The following STAG3 variants were observed in gnomAD, a reference collection of about 807,000 sequenced individuals.
The protein encoded by STAG3 is cohesin subunit SA-3.
A neutral mutation model predicts 160.7 loss-of-function variants in STAG3; 101 were observed. The ratio of observed to expected loss-of-function variants is 0.63; its 90% CI spans 0.54 to 0.74. The LOEUF (loss-of-function observed/expected upper bound fraction) is 0.74, where lower values mean the gene tolerates loss of function less well. STAG3 is among the 30% of genes least tolerant of loss of function. STAG3 has a pLI of 0.00. For missense variants in STAG3, 1,188 were observed against 1,517.4 expected, an observed-to-expected ratio of 0.78 and a Z score of 3.61; for synonymous variants, 519 against 585.0, an observed-to-expected ratio of 0.89 and a Z score of 1.63.
chr7:100,205,795 A>G (rs1584755900), intron 29 of STAG3, among the ~76,000 whole-genome samples: 1 of 150,926 alleles, frequency 6.6e-6, no homozygotes, highest in East Asian at 2.0e-4. Context: ...GCGCGACTGC[A>G]CCCCAGCCTG....
intron 29 of STAG3, among the ~76,000 whole-genome samples, chr7:100,206,801 A>G (rs1801695769): frequency 6.6e-6 from 1 of 152,186 alleles, no homozygotes; most frequent in Non-Finnish European, 1.5e-5. Context: ...TACACTTAGC[A>G]TATTCACTGA....
chr7:100,198,048 G>A (rs1157016287), intron 11 of STAG3, 39 bp from the exon 12 acceptor site: 2 of 1,601,192 alleles, frequency 1.2e-6, no homozygotes, highest in East Asian at 4.5e-5. Context: ...GTTTGGAATG[G>A]GTGTAATGAG....
chr7:100,216,172 G>A (rs375494621), downstream of STAG3, among the ~76,000 whole-genome samples: 4 of 152,144 alleles, frequency 2.6e-5, no homozygotes, highest in African/African-American at 7.2e-5. Flanking sequence ...ATTCCTGATC[G>A]TGGAGCCCAT....
At chr7:100,208,806 A>C (rs567231803) in intron 29 of STAG3, among the ~76,000 whole-genome samples, 1 of 152,318 alleles carries the variant, frequency 6.6e-6, no homozygotes, top group Admixed American at 6.5e-5. Context: ...ATGGCAAAAA[A>C]GCAGGGAGGA....
rs1482401786 is a variant in STAG3 at position 100,201,133 on chromosome 7, C to T, written c.2105C>T (p.Thr702Ile). 7 of 1,614,236 alleles carry T rather than the reference C, an allele frequency of 4.3e-6. No individual in the cohort carries two copies. Among genetic ancestry groups the T allele is most frequent in the Non-Finnish European group, 5.9e-6 (7 of 1,180,048 alleles). Residue 702 changes from threonine to isoleucine, a missense_variant, in exon 20 of 34, where the codon ACT (threonine) becomes ATT (isoleucine). Physicochemically the swap from Thr to Ile is moderately conservative, Grantham distance 89. Coordinates refer to ENST00000615138, the MANE Select transcript of STAG3 (RefSeq NM_001282717.2). ...GATGAGGTATATAATCTGGCAGCCACTCTGAAACGCCTCTCTGCCTTCTAC... is the reference window on the plus strand; with the variant it reads ...GATGAGGTATATAATCTGGCAGCCATTCTGAAACGCCTCTCTGCCTTCTAC... ...DEDEVYNLAA[T>I]LKRLSAFYNT...
At position 100,211,033 on chromosome 7, in the gene STAG3, G is replaced by A; in HGVS notation, c.3261G>A (p.Glu1087=). 1 of 1,613,860 alleles carries A rather than the reference G, an allele frequency of 6.2e-7. No homozygotes were observed. Among genetic ancestry groups the A allele is most frequent in the Non-Finnish European group, 8.5e-7 (1 of 1,179,952 alleles). The change falls in exon 30 of 34, where the codon GAG becomes GAA. Residue 1087 remains glutamate, a synonymous_variant. Transcript: ENST00000615138. The part of the protein sequence containing the change: ...RVEGPAKPNR[E]DVSSSQEESL... Reference sequence around the variant, plus strand: ...CAGGGCCTGCCAAGCCTAACAGAGAGGACGTCTCCTCGTCCCAGGAAGAAA... The same window carrying A: ...CAGGGCCTGCCAAGCCTAACAGAGAAGACGTCTCCTCGTCCCAGGAAGAAA...
intron 26 of STAG3, 49 bp from the exon 27 acceptor site, chr7:100,204,578 T>G: frequency 1.3e-6 from 2 of 1,593,480 alleles, no homozygotes; most frequent in Non-Finnish European, 1.7e-6. Context: ...CTTCTCTGTT[T>G]CCGCCGTGTT....
At chr7:100,196,234 AT>A (rs1206663936) in intron 9 of STAG3, among the ~76,000 whole-genome samples, 1 of 152,082 alleles carries the variant, frequency 6.6e-6, no homozygotes, top group Non-Finnish European at 1.5e-5. Flanking sequence ...CCTTTTCTTA[AT>A]GTGGAATTAA....
intron 5 of STAG3, among the ~76,000 whole-genome samples, chr7:100,187,834 G>A (rs1195249907): frequency 6.8e-6 from 1 of 146,572 alleles, no homozygotes; most frequent in Non-Finnish European, 1.5e-5. Context: ...TCAGCTTACT[G>A]CAACCTCCGC....
Position 100,200,341 on chromosome 7 carries a change from C to T in STAG3, c.1770+13C>T. On this transcript the variant is annotated intron_variant, in intron 17 of 33. Transcript: ENST00000615138. Reference sequence around the variant, plus strand: ...GCTCCTGGCCAAGGTACCGCTGCCCCTCCACTCTGCATCACACCAAGAGAA... The same window carrying T: ...GCTCCTGGCCAAGGTACCGCTGCCCTTCCACTCTGCATCACACCAAGAGAA... 6.2e-7 allele frequency: 1 copy of T among 1,613,738 alleles called. No homozygotes were observed. Among genetic ancestry groups the T allele is most frequent in the Non-Finnish European group, 8.5e-7 (1 of 1,179,790 alleles).
At chr7:100,189,953 T>A (rs1562971590) in intron 8 of STAG3, among the ~76,000 whole-genome samples, 1 of 152,124 alleles carries the variant, frequency 6.6e-6, no homozygotes. Context: ...GCAGGAGTAC[T>A]AAAAGCCAAC....
At position 100,213,742 on chromosome 7, in the gene STAG3, G is replaced by GTA; in HGVS notation, c.3609_3610dup (p.Ser1204IlefsTer14). ...TAACCTCATTCTCTCTAGCAAGCAA[G>GTA]TAGCTACTCTTCCACCAGTGAGCGC... On this transcript the variant is annotated frameshift_variant, in exon 33 of 34. Coordinates refer to ENST00000615138, the MANE Select transcript of STAG3 (RefSeq NM_001282717.2). LOFTEE classifies it high-confidence loss of function. 3 of 1,614,236 alleles carry GTA rather than the reference G, an allele frequency of 1.9e-6. No homozygotes were observed. The highest frequency in any genetic ancestry group is 2.5e-6 in the Non-Finnish European group (3 of 1,180,030).
At chr7:100,213,617 AG>A in intron 32 of STAG3, 117 bp from the exon 33 acceptor site, 1 of 1,540,320 alleles carries the variant, frequency 6.5e-7, no homozygotes, top group African/African-American at 1.4e-5. Flanking sequence ...GAGGTGCCAT[AG>A]GGGCCTGCTG....
Position 100,189,026 on chromosome 7 carries a change from C to A in STAG3, c.715+10C>A, listed in dbSNP as rs200010429. On this transcript the variant is annotated intron_variant, in intron 7 of 33. Coordinates refer to ENST00000615138, the MANE Select transcript of STAG3 (RefSeq NM_001282717.2). ...ACTAGCACCCTGGCTGGTGAGCATT[C>A]ATTTTTACTCTGGACATTCTCCTGG... 6.2e-7 allele frequency: 1 copy of A among 1,613,768 alleles called. No homozygotes were observed. The highest frequency in any genetic ancestry group is 8.5e-7 in the Non-Finnish European group (1 of 1,179,848).
intron 4 of STAG3, 61 bp from the exon 5 acceptor site, chr7:100,186,139 A>G (rs1387808175): frequency 1.5e-6 from 2 of 1,318,576 alleles, no homozygotes; most frequent in African/African-American, 1.5e-5. Flanking sequence ...GGAAGATCAT[A>G]TAGGATTTCT....
chr7:100,182,134 A>G lies in STAG3; in HGVS notation c.161A>G (p.Asp54Gly), dbSNP rs1210985142. 6.2e-7 allele frequency: 1 copy of G among 1,613,752 alleles called. No homozygotes were observed. ...LLADEDTDFE[D>G]SLNRNVKKRA... ...GCTGATGAAGACACTGACTTTGAAG[A>G]CAGCTTGAATCGCAATGTGAAGAAG... The change falls in exon 3 of 34, where the codon GAC becomes GGC. Residue 54 changes from aspartate (D) to glycine (G), a missense_variant. Asp to Gly is a moderately conservative substitution (Grantham distance 94). This residue lies in a region of STAG3 where 296 missense variants were observed against 404.0 expected (regional missense o/e 0.73). Transcript: ENST00000615138.
chr7:100,202,530 G>A lies in STAG3; in HGVS notation c.2640G>A (p.Leu880=), dbSNP rs151236543. 4.5e-4 allele frequency: 729 copies of A among 1,614,198 alleles called. 6 individuals carry two copies. The African/African-American group carries it at 9.0e-3, about 20-fold the overall frequency. ...RRRLLAGFCK[L]LLYGVLEMDA... is the part of the protein sequence containing the mutation. ...GCCTCCTAGCCGGGTTCTGCAAGCT[G>A]TTGCTTTATGGGGTGCTGGAGATGG... is the stretch of plus-strand genomic sequence containing the variant. The change falls in exon 25 of 34, where the codon CTG becomes CTA. Residue 880 remains leucine (L), a synonymous_variant. Coordinates refer to ENST00000615138, the MANE Select transcript of STAG3 (RefSeq NM_001282717.2).
intron 13 of STAG3, 126 bp from the exon 14 acceptor site, chr7:100,198,717 G>A: frequency 8.1e-7 from 1 of 1,239,716 alleles, no homozygotes; most frequent in Non-Finnish European, 1.2e-6. Flanking sequence ...GCAGCTCCTT[G>A]GGGCTTTCCT....
chr7:100,201,385 G>T, intron 21 of STAG3, 34 bp downstream of exon 21: 1 of 1,594,506 alleles, frequency 6.3e-7, no homozygotes. Context: ...GTTGGGGGCT[G>T]GGGGGCTAGA....
Sources: gnomAD v4.1 joint callset for allele counts (sites outside exome capture counted in the v4.1 genomes callset) on GRCh38, gnomAD v4.1.1 for gene constraint, gnomAD v4.1.1 regional missense constraint, MANE v1.5 for transcripts, NCBI Gene and HGNC (gene_info 2026-07-23, HGNC 2026-07-21) for gene names.